Variants in EXT2 observed in about 807,000 individuals in gnomAD.
EXT2 encodes the protein exostosin glycosyltransferase 2, also known as exostosin-2.
Under a neutral mutation model 81.6 loss-of-function variants are expected in EXT2, and 53 were observed. The observed-to-expected ratio is 0.65, with a 90% CI of 0.52 to 0.82. The LOEUF (loss-of-function observed/expected upper bound fraction) is 0.82. EXT2 is among the 40% of genes least tolerant of loss of function. The pLI is 0.00. For synonymous variants in EXT2, 320 were observed against 340.0 expected (o/e 0.94, Z 0.65); for missense variants, 774 against 910.2 (o/e 0.85, Z 1.93).
chr11:44,124,444 T>TACACACACACACACACACAC (rs57261356), intron 4 of EXT2, among the ~76,000 whole-genome samples: 18 of 144,938 alleles, frequency 1.2e-4, no homozygotes, highest in African/African-American at 4.6e-4. Context: ...GTTTCTCTCC[T>TACACACACACACACACACAC]ACACACACAC....
chr11:44,168,042 A>C (rs577187776), intron 7 of EXT2, among the ~76,000 whole-genome samples: 1 of 150,316 alleles, frequency 6.7e-6, no homozygotes, highest in Non-Finnish European at 1.5e-5. Context: ...TCGTAGTTCA[A>C]TTCCCACCTA....
chr11:44,109,092 C>A (rs916254885), intron 2 of EXT2, 102 bp from the exon 3 acceptor site: 1 of 1,228,652 alleles, frequency 8.1e-7, no homozygotes, highest in Admixed American at 1.7e-5. Flanking sequence ...AGAAGCGGCC[C>A]TATTTGGGCT....
At chr11:44,114,094 T>C (rs1287890213) in intron 3 of EXT2, 91 bp from the exon 4 acceptor site, 1 of 1,153,686 alleles carries the variant, frequency 8.7e-7, no homozygotes, top group Non-Finnish European at 1.3e-6. Context: ...GTTTTGATAA[T>C]AAAGACTCAG....
At chr11:44,234,316 G>GT in intron 12 of EXT2, 73 bp downstream of exon 12, 2 of 1,456,902 alleles carry the variant, frequency 1.4e-6, no homozygotes, top group Non-Finnish European at 9.5e-7. Context: ...GGAAGTTCTT[G>GT]TAACTATAAA....
Position 44,216,031 on chromosome 11 carries a change from C to T in EXT2, c.1662+9072C>T, listed in dbSNP as rs1485433664. ...AGCTGGGACTACAGGCGCCCGCCACCGCGCCCGGCTAATTTTTTGTATTTT... is the reference window on the plus strand; with the variant it reads ...AGCTGGGACTACAGGCGCCCGCCACTGCGCCCGGCTAATTTTTTGTATTTT... On this transcript the variant is annotated intron_variant, in intron 10 of 13. Coordinates refer to ENST00000533608, the MANE Select transcript of EXT2 (RefSeq NM_207122.2). 2.6e-5 allele frequency among the ~76,000 whole-genome samples: 4 copies of T among 152,170 alleles called. No individual in the cohort carries two copies. The East Asian group carries it at 7.8e-4, about 30-fold the overall frequency.
intron 7 of EXT2, among the ~76,000 whole-genome samples, chr11:44,168,943 C>T (rs949974858): frequency 7.2e-5 from 11 of 152,218 alleles, no homozygotes; most frequent in African/African-American, 2.6e-4. Flanking sequence ...ATGATGTCCC[C>T]AGACGCGGTG....
chr11:44,242,604 T>C (rs1247394152), intron 13 of EXT2, among the ~76,000 whole-genome samples: 2 of 151,894 alleles, frequency 1.3e-5, no homozygotes, highest in African/African-American at 4.8e-5. Context: ...TCTTAACCCA[T>C]AACATGAGGC....
chr11:44,121,124 G>A (rs543051993), intron 4 of EXT2, among the ~76,000 whole-genome samples: 1 of 152,212 alleles, frequency 6.6e-6, no homozygotes, highest in Admixed American at 6.5e-5. Context: ...GGCGCACGTG[G>A]AATGTTCAAG....
intron 10 of EXT2, among the ~76,000 whole-genome samples, chr11:44,222,973 A>G (rs563897203): frequency 4.3e-4 from 65 of 152,382 alleles, no homozygotes; most frequent in African/African-American, 1.5e-3. Context: ...AAAATGGGCA[A>G]AGGCCATGAA....
rs1047922624 is a variant in EXT2, at chr11:44,178,802, A to T, written c.1305+7060A>T. Among the ~76,000 whole-genome samples, 41 of 25,750 alleles carry T rather than the reference A, an allele frequency of 1.6e-3. No individual in the cohort carries two copies. The Middle Eastern group carries it at 0.12, about 79-fold the overall frequency. The allele number at this position is 25,750 out of a possible 152,430, so 16.9% of individuals were successfully genotyped here. ...TCCTCCTACTGCCTAGATATGATTA[A>T]AAAAAAAAAATGTATGGAATTTAGA... On this transcript the variant is annotated intron_variant, in intron 8 of 13. Transcript: ENST00000533608.
At chr11:44,190,913 A>G (rs144064728) in intron 8 of EXT2, among the ~76,000 whole-genome samples, 1 of 152,304 alleles carries the variant, frequency 6.6e-6, no homozygotes, top group African/African-American at 2.4e-5. Flanking sequence ...GGCTCAGGCA[A>G]CTTCCTGTGT....
At position 44,206,875 on chromosome 11, in the gene EXT2, T is replaced by A; in HGVS notation, c.1578T>A (p.Tyr526Ter). Residue 526 changes from tyrosine to a stop codon, truncating the protein, a stop_gained, in exon 10 of 14, where the codon TAT (tyrosine) becomes TAA (stop). Transcript: ENST00000533608. LOFTEE classifies it high-confidence loss of function. ...ENKLSNRFFPYDEIETEAVLA... is the reference protein window; with the variant it reads ...ENKLSNRFFP ...AGTTAAGTAACCGTTTCTTCCCTTA[T>A]GATGAAATCGAGACAGAAGCTGTTC... The A allele has an allele frequency of 6.2e-7, 1 of 1,614,172 alleles. No individual in the cohort carries two copies. Among genetic ancestry groups the A allele is most frequent in the South Asian group, 1.1e-5 (1 of 91,086 alleles).
chr11:44,146,171 A>G (rs888910920), intron 7 of EXT2, among the ~76,000 whole-genome samples: 10 of 152,116 alleles, frequency 6.6e-5, no homozygotes, highest in African/African-American at 2.4e-4. Flanking sequence ...TGTGTGTCCA[A>G]ATTCCTCTTC....
intron 7 of EXT2, among the ~76,000 whole-genome samples, chr11:44,170,770 C>T (rs1955059457): frequency 6.6e-6 from 1 of 151,214 alleles, no homozygotes; most frequent in African/African-American, 2.4e-5. Flanking sequence ...AATCCTATGG[C>T]TATGAAAGAA....
intron 9 of EXT2, among the ~76,000 whole-genome samples, chr11:44,202,288 C>A (rs532677731): frequency 2.0e-5 from 3 of 152,136 alleles, no homozygotes. Flanking sequence ...ATGAACAGTG[C>A]GGAAAGCTGT....
chr11:44,121,519 C>T (rs1009486535), intron 4 of EXT2, among the ~76,000 whole-genome samples: 5 of 152,088 alleles, frequency 3.3e-5, no homozygotes, highest in African/African-American at 1.2e-4. Flanking sequence ...TCTTTATCCT[C>T]AACATCTTTA....
chr11:44,171,355 A>G (rs190371435), intron 7 of EXT2, among the ~76,000 whole-genome samples: 4 of 152,384 alleles, frequency 2.6e-5, no homozygotes, highest in African/African-American at 7.2e-5. Context: ...TCTCATCATC[A>G]CATAATTTAT....
chr11:44,131,429 C>G (rs1954491165), intron 7 of EXT2, among the ~76,000 whole-genome samples: 1 of 152,192 alleles, frequency 6.6e-6, no homozygotes, highest in African/African-American at 2.4e-5. Flanking sequence ...GTTACAAACT[C>G]TGTACCCTTA....
chr11:44,125,229 C>A (rs926711164), intron 5 of EXT2, among the ~76,000 whole-genome samples: 11 of 152,144 alleles, frequency 7.2e-5, no homozygotes, highest in African/African-American at 2.7e-4. Flanking sequence ...CATTATACTT[C>A]AAAAAGACAA....
Sources: allele counts gnomAD v4.1 joint callset (sites outside exome capture counted in the v4.1 genomes callset), GRCh38; gene constraint gnomAD v4.1.1; transcripts MANE v1.5; gene names NCBI Gene and HGNC (gene_info 2026-07-23, HGNC 2026-07-21).